Variants in RFXANK observed in about 807,000 individuals in gnomAD.
The protein encoded by RFXANK is regulatory factor X associated ankyrin containing protein, also known as DNA-binding protein RFXANK.
Under a neutral mutation model 34.5 loss-of-function variants are expected in RFXANK, and 19 were observed. The observed-to-expected ratio is 0.55, with a 90% CI of 0.38 to 0.81. The LOEUF (loss-of-function observed/expected upper bound fraction) is 0.81. Among genes scored for constraint, RFXANK ranks in the 30% least tolerant of loss-of-function variants. The probability of loss-of-function intolerance (pLI) is 0.00; values close to 1 mark genes in which losing one functional copy is unlikely to be tolerated. For missense variants in RFXANK, 295 were observed against 343.5 expected (o/e 0.86, Z 1.12); for synonymous variants, 154 against 149.8 (o/e 1.03, Z -0.20).
intron 8 of RFXANK, 138 bp downstream of exon 8, chr19:19,198,861 A>T: frequency 1.1e-6 from 1 of 930,642 alleles, no homozygotes; most frequent in Non-Finnish European, 1.7e-6. Flanking sequence ...TTCTCGGAGG[A>T]TGGATCAGAG....
chr19:19,197,342 T>A, intron 5 of RFXANK, 91 bp downstream of exon 5: 1 of 1,352,476 alleles, frequency 7.4e-7, no homozygotes, highest in South Asian at 1.2e-5. Context: ...GACCTGTGAG[T>A]GTCCACGTGT....
Position 19,192,292 on chromosome 19 carries a change from G to C in RFXANK, c.-412G>C. 1 of 832,140 alleles carries C rather than the reference G, an allele frequency of 1.2e-6. No homozygotes were observed. The highest frequency in any genetic ancestry group is 1.7e-5 in the South Asian group (1 of 57,856). 51.5% of individuals were successfully genotyped at this position (832,140 alleles called of 1,614,324 possible). On this transcript the variant is annotated 5_prime_UTR_variant, in exon 1 of 10. Transcript: ENST00000303088. ...CAAGAAAGGGGCTGTGTGAGACGCAGGGAAGGAGGCACACCCGGGGGTGGC... is the reference window on the plus strand; with the variant it reads ...CAAGAAAGGGGCTGTGTGAGACGCACGGAAGGAGGCACACCCGGGGGTGGC...
intron 6 of RFXANK, 36 bp from the exon 7 acceptor site, chr19:19,198,071 A>G: frequency 6.2e-7 from 1 of 1,611,560 alleles, no homozygotes; most frequent in Non-Finnish European, 8.5e-7. Context: ...GTTATGCCCC[A>G]ATCCATCCTA....
At position 19,196,948 on chromosome 19, in the gene RFXANK, T is replaced by C. The variant is rs1048640904; in HGVS notation, c.188-15T>C. ...TCTACTGAGGGGAAACTGACGCCTG[T>C]TGTCTGTTTCCCAGCAGGCAGCTCC... is the stretch of plus-strand genomic sequence containing the variant. On this transcript the variant is annotated splice_polypyrimidine_tract_variant and intron_variant, in intron 3 of 9. Coordinates refer to ENST00000303088, the MANE Select transcript of RFXANK (RefSeq NM_003721.4). 3.7e-6 allele frequency: 6 copies of C among 1,606,640 alleles called. No individual in the cohort carries two copies. The highest frequency in any genetic ancestry group is 5.1e-6 in the Non-Finnish European group (6 of 1,177,252).
chr19:19,197,561 C>A lies in RFXANK; in HGVS notation c.378C>A (p.Thr126=), dbSNP rs773861244. ...LVNKPDERGF[T]PLIWASAFGE... ...ACAAGCCAGACGAGCGCGGCTTCACCCCCCTCATCTGGGCCTCCGCCTTTG... is the reference window on the plus strand; with the variant it reads ...ACAAGCCAGACGAGCGCGGCTTCACACCCCTCATCTGGGCCTCCGCCTTTG... Residue 126 remains threonine (T), a synonymous_variant, in exon 6 of 10, where the codon ACC becomes ACA. Transcript: ENST00000303088. The A allele has an allele frequency of 2.5e-6, 4 of 1,613,790 alleles. No individual in the cohort carries two copies. Among genetic ancestry groups the A allele is most frequent in the Admixed American group, 3.3e-5 (2 of 59,992 alleles).
intron 9 of RFXANK, among the ~76,000 whole-genome samples, chr19:19,201,217 G>A (rs961610049): frequency 6.6e-6 from 1 of 152,192 alleles, no homozygotes; most frequent in African/African-American, 2.4e-5. Flanking sequence ...TAGGATTACA[G>A]GTGTGAGCCA....
At chr19:19,193,408 CTTTCTTT>C (rs2060528104) in intron 2 of RFXANK, among the ~76,000 whole-genome samples, 1 of 144,176 alleles carries the variant, frequency 6.9e-6, no homozygotes, top group South Asian at 2.3e-4. Flanking sequence ...CTTTTTTTTC[CTTTCTTT>C]TTTTTTTTTT....
intron 9 of RFXANK, 29 bp downstream of exon 9, chr19:19,199,263 G>A: frequency 6.2e-7 from 1 of 1,609,848 alleles, no homozygotes; most frequent in Non-Finnish European, 8.5e-7. Flanking sequence ...GAGCAGGGGT[G>A]GGGTCCCTTC....
chr19:19,201,669 C>G lies in RFXANK; in HGVS notation c.733C>G (p.His245Asp), dbSNP rs1015461724. Residue 245 changes from histidine to aspartate, a missense_variant, in exon 10 of 10, where the codon CAC becomes GAC. Coordinates refer to ENST00000303088, the MANE Select transcript of RFXANK (RefSeq NM_003721.4). ...YRKVQQVIENHILKLFQSNLV... is the reference protein window; with the variant it reads ...YRKVQQVIENDILKLFQSNLV... ...CTCAGTGCAACAGGTGATCGAGAAC[C>G]ACATCCTCAAGCTCTTCCAGAGCAA... The G allele has an allele frequency of 1.9e-6, 3 of 1,614,140 alleles. No individual in the cohort carries two copies. In the South Asian group the frequency reaches 3.3e-5, roughly 18 times the overall value.
Position 19,199,346 on chromosome 19 carries a change from T to C in RFXANK, c.712+112T>C. ...GTCATACGCCGGCAGCGAGAGTGTG[T>C]TGACAGGTGTTGAGCACTGCTGTGT... On this transcript the variant is annotated intron_variant, in intron 9 of 9. Coordinates refer to ENST00000303088, the MANE Select transcript of RFXANK (RefSeq NM_003721.4). The C allele has an allele frequency of 2.9e-6, 3 of 1,023,616 alleles. No individual in the cohort carries two copies. In the South Asian group the frequency reaches 3.8e-5, roughly 13 times the overall value. The allele number at this position is 1,023,616 out of a possible 1,614,324, so 63.4% of individuals were successfully genotyped here. A position where few individuals can be genotyped will look rare whatever the true frequency, so the allele number is the denominator to read the frequency against.
intron 7 of RFXANK, 127 bp from the exon 8 acceptor site, chr19:19,198,526 ACCCC>A: frequency 8.7e-7 from 1 of 1,147,398 alleles, no homozygotes; most frequent in Non-Finnish European, 1.3e-6. Context: ...TAAGCTTGAG[ACCCC>A]AGAAAGTGAG....
Position 19,197,568 on chromosome 19 carries a change from A to ATCTGGGCC in RFXANK, c.388_395dup (p.Ala133GlyfsTer74). On this transcript the variant is annotated frameshift_variant, in exon 6 of 10. Transcript: ENST00000303088. LOFTEE classifies it high-confidence loss of function. ...AGACGAGCGCGGCTTCACCCCCCTC[A>ATCTGGGCC]TCTGGGCCTCCGCCTTTGGAGAGAT... 3.1e-6 allele frequency: 5 copies of ATCTGGGCC among 1,613,584 alleles called. No homozygotes were observed. The highest frequency in any genetic ancestry group is 4.2e-6 in the Non-Finnish European group (5 of 1,179,882).
intron 8 of RFXANK, 48 bp downstream of exon 8, chr19:19,198,771 G>T: frequency 6.3e-7 from 1 of 1,589,450 alleles, no homozygotes; most frequent in Non-Finnish European, 8.6e-7. Context: ...ACTCCAGCGG[G>T]CCCTGCGGGA....
intron 3 of RFXANK, among the ~76,000 whole-genome samples, chr19:19,196,546 A>G (rs566864141): frequency 7.5e-4 from 111 of 148,948 alleles, no homozygotes; most frequent in African/African-American, 2.6e-3. Flanking sequence ...TGGACAACAG[A>G]GCAAGACTCT....
At chr19:19,199,488 C>T (rs543675951) in intron 9 of RFXANK, among the ~76,000 whole-genome samples, 14 of 152,082 alleles carry the variant, frequency 9.2e-5, no homozygotes, top group East Asian at 7.7e-4. Context: ...CATGAGAGGC[C>T]GAAAGAGGGG....
chr19:19,195,047 T>C (rs1301483141), intron 3 of RFXANK, among the ~76,000 whole-genome samples: 3 of 144,594 alleles, frequency 2.1e-5, no homozygotes, highest in East Asian at 2.1e-4. Flanking sequence ...GTTTTTTTTT[T>C]CTTTCTTTCT....
intron 9 of RFXANK, among the ~76,000 whole-genome samples, chr19:19,199,800 C>T (rs1028065876): frequency 5.9e-5 from 9 of 152,142 alleles, no homozygotes; most frequent in African/African-American, 1.9e-4. Context: ...TAGGCAGACC[C>T]CAGTTTGACT....
At chr19:19,195,205 G>C (rs1379428067) in intron 3 of RFXANK, among the ~76,000 whole-genome samples, 4 of 117,850 alleles carry the variant, frequency 3.4e-5, no homozygotes, top group African/African-American at 1.3e-4. Context: ...ACTACAGTCC[G>C]TTTTTTTTTT....
intron 3 of RFXANK, among the ~76,000 whole-genome samples, chr19:19,194,713 C>A (rs1400585383): frequency 1.8e-4 from 26 of 147,482 alleles, no homozygotes. Flanking sequence ...TTTTGGGAGG[C>A]TGGTCTCCAC....
Sources: gnomAD v4.1 joint callset for allele counts (sites outside exome capture counted in the v4.1 genomes callset) on GRCh38, gnomAD v4.1.1 for gene constraint, MANE v1.5 for transcripts, NCBI Gene and HGNC (gene_info 2026-07-23, HGNC 2026-07-21) for gene names.